NUMB: variants seen among roughly 807,000 people sequenced by gnomAD.
NUMB encodes protein numb homolog.
In NUMB, 29 loss-of-function variants were observed where a neutral mutation model predicts 59.7. That is an observed-to-expected ratio of 0.49 (90% CI 0.36 to 0.66). The LOEUF (loss-of-function observed/expected upper bound fraction) is 0.66, where lower values mean the gene tolerates loss of function less well. Ranked by LOEUF, NUMB falls within the 30% of genes least tolerant of loss-of-function variation. The probability of loss-of-function intolerance (pLI) is 0.00; values close to 1 mark genes in which losing one functional copy is unlikely to be tolerated. For missense variants in NUMB, 723 were observed against 822.0 expected (o/e 0.88, Z 1.47); for synonymous variants, 288 against 288.2 (o/e 1.00, Z 0.01).
rs1330405774 is a variant in NUMB at position 73,352,447 on chromosome 14, CACACACACACAT to C, written c.126+3167_126+3178del. Among the ~76,000 whole-genome samples, 11 of 48,338 alleles carry C rather than the reference CACACACACACAT, an allele frequency of 2.3e-4. 1 individual carries two copies. The highest frequency in any genetic ancestry group is 4.4e-4 in the Admixed American group (2 of 4,542). 31.7% of individuals were successfully genotyped at this position (48,338 alleles called of 152,430 possible). A position where few individuals can be genotyped will look rare whatever the true frequency, so the allele number is the denominator to read the frequency against. ...TAATATATATATACACACACACACA[CACACACACACAT>C]ACACACACACACACACACATATATA... On this transcript the variant is annotated intron_variant, in intron 4 of 12. Transcript: ENST00000555238.
intron 6 of NUMB, among the ~76,000 whole-genome samples, chr14:73,310,053 A>T (rs1890689973): frequency 6.6e-6 from 1 of 152,212 alleles, no homozygotes; most frequent in Admixed American, 6.5e-5. Flanking sequence ...GTTAGAACAG[A>T]TATTATAATA....
intron 2 of NUMB, among the ~76,000 whole-genome samples, chr14:73,408,427 A>T (rs531999003): frequency 2.6e-5 from 4 of 152,130 alleles, no homozygotes; most frequent in Non-Finnish European, 5.9e-5. Flanking sequence ...AATTATTCAA[A>T]CAAACAAGAA....
chr14:73,288,125 G>A (rs560810205), intron 8 of NUMB, among the ~76,000 whole-genome samples: 27 of 152,334 alleles, frequency 1.8e-4, no homozygotes, highest in African/African-American at 6.3e-4. Context: ...TGATTAAAAA[G>A]GAATGAGGCT....
intron 6 of NUMB, among the ~76,000 whole-genome samples, chr14:73,311,315 A>C (rs975340694): frequency 2.0e-5 from 3 of 152,106 alleles, no homozygotes; most frequent in Non-Finnish European, 2.9e-5. Flanking sequence ...CAGCCTCCCA[A>C]AGTGCTGGGA....
intron 3 of NUMB, among the ~76,000 whole-genome samples, chr14:73,359,878 C>T (rs187956305): frequency 1.8e-4 from 28 of 152,070 alleles, no homozygotes; most frequent in Admixed American, 3.9e-4. Flanking sequence ...CCCTCACCCC[C>T]GACTCTCCCC....
intron 1 of NUMB, among the ~76,000 whole-genome samples, chr14:73,456,150 C>T (rs1027600987): frequency 6.6e-6 from 1 of 151,304 alleles, no homozygotes; most frequent in African/African-American, 2.4e-5. Flanking sequence ...ACTCTTGTTG[C>T]CCAGACTGGA....
intron 1 of NUMB, among the ~76,000 whole-genome samples, chr14:73,417,480 TCTC>T (rs1427567635): frequency 2.7e-5 from 4 of 150,696 alleles, no homozygotes; most frequent in Admixed American, 2.7e-4. Flanking sequence ...GTCAGGAAAC[TCTC>T]CTGTTTCACT....
At chr14:73,377,377 C>T (rs1366712619) in intron 2 of NUMB, among the ~76,000 whole-genome samples, 2 of 152,176 alleles carry the variant, frequency 1.3e-5, no homozygotes, top group African/African-American at 4.8e-5. Flanking sequence ...GTGGGTCATG[C>T]CTGTAATCCA....
chr14:73,417,406 C>G (rs1428588697), intron 1 of NUMB, among the ~76,000 whole-genome samples: 2 of 151,812 alleles, frequency 1.3e-5, no homozygotes, highest in Non-Finnish European at 2.9e-5. Context: ...CATGTTCCCC[C>G]TCCTGTAAGG....
rs1566726962 is a variant in NUMB, at chr14:73,287,211, C to T, written c.554G>A (p.Ser185Asn). 1 of 1,613,806 alleles carries T rather than the reference C, an allele frequency of 6.2e-7. No individual in the cohort carries two copies. Among genetic ancestry groups the T allele is most frequent in the Non-Finnish European group, 8.5e-7 (1 of 1,179,982 alleles). The change falls in exon 9 of 13, where the codon AGT becomes AAT. Residue 185 changes from serine (S) to asparagine (N), a missense_variant. Around this residue, in one of 2 missense-constraint regions of NUMB, gnomAD observed 317 missense variants for 436.6 expected, o/e 0.73. Coordinates refer to ENST00000555238, the MANE Select transcript of NUMB (RefSeq NM_001005743.2). ...TCCTTCTCTTGTAAAAGTGGTCCGA[C>T]TAGCATCAAAAGTAGCAGTCACTCC... ...ECGVTATFDA[S>N]RTTFTREGSF...
chr14:73,387,042 G>C (rs1033273784), intron 2 of NUMB, among the ~76,000 whole-genome samples: 20 of 150,786 alleles, frequency 1.3e-4, no homozygotes, highest in African/African-American at 4.9e-4. Flanking sequence ...CACTACGCCC[G>C]GCTAATTTTT....
intron 4 of NUMB, among the ~76,000 whole-genome samples, chr14:73,333,452 G>A (rs945454310): frequency 1.3e-5 from 2 of 151,150 alleles, no homozygotes; most frequent in Admixed American, 6.6e-5. Context: ...GGCTGATCTC[G>A]AACTCCTGGG....
intron 7 of NUMB, among the ~76,000 whole-genome samples, chr14:73,296,347 A>G (rs1889768311): frequency 6.6e-6 from 1 of 151,976 alleles, no homozygotes; most frequent in African/African-American, 2.4e-5. Flanking sequence ...AGGTTAAGGC[A>G]GGAGAATCGT....
intron 2 of NUMB, among the ~76,000 whole-genome samples, chr14:73,374,787 C>T (rs2140064346): frequency 7.2e-6 from 1 of 138,022 alleles, no homozygotes; most frequent in Non-Finnish European, 1.5e-5. Flanking sequence ...CCAACATGAT[C>T]TCAGCTCACT....
intron 1 of NUMB, among the ~76,000 whole-genome samples, chr14:73,427,195 G>A (rs1897619855): frequency 6.6e-6 from 1 of 151,934 alleles, no homozygotes; most frequent in Admixed American, 6.6e-5. Flanking sequence ...AAACAAGAAA[G>A]AGGCCTGGTG....
chr14:73,410,615 A>G (rs574440049), intron 1 of NUMB, among the ~76,000 whole-genome samples: 7 of 152,362 alleles, frequency 4.6e-5, no homozygotes, highest in Admixed American at 2.6e-4. Flanking sequence ...TCCTTCCTAC[A>G]TTTTTGGTGT....
chr14:73,285,895 C>CA (rs1455909579), intron 9 of NUMB, among the ~76,000 whole-genome samples: 1 of 150,008 alleles, frequency 6.7e-6, no homozygotes, highest in African/African-American at 2.5e-5. Flanking sequence ...CACTACATTC[C>CA]AGCCTGGGCA....
chr14:73,334,706 TG>T (rs918744847), intron 4 of NUMB, among the ~76,000 whole-genome samples: 1 of 152,146 alleles, frequency 6.6e-6, no homozygotes, highest in Admixed American at 6.5e-5. Flanking sequence ...CCCAGCACTT[TG>T]GGAGGCCAAG....
At chr14:73,336,582 A>C (rs963249852) in intron 4 of NUMB, among the ~76,000 whole-genome samples, 1 of 152,212 alleles carries the variant, frequency 6.6e-6, no homozygotes, top group African/African-American at 2.4e-5. Context: ...GGAATGGGCT[A>C]CACTGAACAC....
Sources: gnomAD v4.1 joint callset for allele counts (sites outside exome capture counted in the v4.1 genomes callset) on GRCh38, gnomAD v4.1.1 for gene constraint, gnomAD v4.1.1 regional missense constraint, MANE v1.5 for transcripts, NCBI Gene and HGNC (gene_info 2026-07-23, HGNC 2026-07-21) for gene names.